Variants in APBB2 observed in about 807,000 individuals in gnomAD.
APBB2 encodes amyloid beta precursor protein binding family B member 2, also known as Fe65-like 1.
In APBB2, 38 loss-of-function variants were observed where a neutral mutation model predicts 82.5. The ratio of observed to expected loss-of-function variants is 0.46; its 90% CI spans 0.36 to 0.60. APBB2 has a LOEUF of 0.60. Ranked by LOEUF, APBB2 falls within the 20% of genes least tolerant of loss-of-function variation. APBB2 has a pLI of 0.00. For synonymous variants in APBB2, 341 were observed against 368.2 expected (o/e 0.93, Z 0.85); for missense variants, 772 against 972.3 (o/e 0.79, Z 2.74).
chr4:41,080,714 T>TG (rs1257699631), intron 3 of APBB2, among the ~76,000 whole-genome samples: 1 of 151,154 alleles, frequency 6.6e-6, no homozygotes, highest in African/African-American at 2.4e-5. Flanking sequence ...TTTTTTTTTT[T>TG]TTTTAAAGAT....
In APBB2 at chr4:41,111,847, G is replaced by A. The variant is rs544572357; in HGVS notation, c.-260-11097C>T. The stretch of plus-strand genomic sequence containing the variant: ...CAGCAATTACCCTTAACAAGCAGTC[G>A]CCATTACAAGTATTGTTTTTCTCAG... On this transcript the variant is annotated intron_variant, in intron 2 of 17. Transcript: ENST00000508593. 1.1e-4 allele frequency among the ~76,000 whole-genome samples: 17 copies of A among 152,108 alleles called. No individual in the cohort carries two copies. The East Asian group carries it at 1.2e-3, about 10-fold the overall frequency.
intron 1 of APBB2, among the ~76,000 whole-genome samples, chr4:41,164,559 A>T (rs544674323): frequency 6.6e-6 from 1 of 152,380 alleles, no homozygotes; most frequent in East Asian, 1.9e-4. Flanking sequence ...CAGACAGCAC[A>T]AACCCAATTA....
chr4:40,991,879 TTC>T (rs1399254710), intron 6 of APBB2, among the ~76,000 whole-genome samples: 8 of 152,244 alleles, frequency 5.3e-5, no homozygotes, highest in Admixed American at 5.2e-4. Flanking sequence ...CTTAAGAATC[TTC>T]TATGAGAGTG....
At chr4:41,180,164 T>C (rs1770925203) in intron 1 of APBB2, among the ~76,000 whole-genome samples, 1 of 152,258 alleles carries the variant, frequency 6.6e-6, no homozygotes. Context: ...AGAGCTTCCA[T>C]CAGTGTAAGG....
Position 40,893,514 on chromosome 4 carries a change from C to T in APBB2, c.1255-103G>A, listed in dbSNP as rs554880019. ...CAACTAAAAGGTACTACACTTAATG[C>T]ACCTTTATTTGCTTCATTATGTTCA... is the stretch of plus-strand genomic sequence containing the variant. On this transcript the variant is annotated intron_variant, in intron 10 of 17. Transcript: ENST00000508593. 36 of 1,081,856 alleles carry T rather than the reference C, an allele frequency of 3.3e-5. No homozygotes were observed. The East Asian group carries it at 9.6e-4, about 29-fold the overall frequency. The allele number at this position is 1,081,856 out of a possible 1,614,324, so 67.0% of individuals were successfully genotyped here. A position where few individuals can be genotyped will look rare whatever the true frequency, so the allele number is the denominator to read the frequency against.
At chr4:41,175,393 CTTTA>C (rs1323632446) in intron 1 of APBB2, among the ~76,000 whole-genome samples, 1 of 152,086 alleles carries the variant, frequency 6.6e-6, no homozygotes, top group African/African-American at 2.4e-5. Context: ...TAAAATGTAA[CTTTA>C]TTTCTGTCGT....
intron 10 of APBB2, among the ~76,000 whole-genome samples, chr4:40,912,322 T>C (rs1778778452): frequency 2.0e-5 from 3 of 152,188 alleles, no homozygotes. Flanking sequence ...CTCACGCCTG[T>C]AATCCCAGCA....
intron 6 of APBB2, among the ~76,000 whole-genome samples, chr4:40,998,103 T>A (rs1181618325): frequency 6.6e-6 from 1 of 152,210 alleles, no homozygotes; most frequent in East Asian, 1.9e-4. Flanking sequence ...CTGACACTAT[T>A]TGTTGGCAAT....
At chr4:40,987,509 T>C (rs1287939825) in intron 6 of APBB2, among the ~76,000 whole-genome samples, 1 of 152,208 alleles carries the variant, frequency 6.6e-6, no homozygotes, top group East Asian at 1.9e-4. Flanking sequence ...ATTTCATATT[T>C]CATTTTTTTT....
At chr4:41,078,794 G>A (rs537258861) in intron 3 of APBB2, among the ~76,000 whole-genome samples, 12 of 152,198 alleles carry the variant, frequency 7.9e-5, no homozygotes, top group African/African-American at 1.9e-4. Flanking sequence ...TCCTTATGTC[G>A]GGAGAAGGAC....
At chr4:40,886,487 A>G (rs1299732819) in intron 12 of APBB2, among the ~76,000 whole-genome samples, 3 of 151,798 alleles carry the variant, frequency 2.0e-5, no homozygotes, top group Non-Finnish European at 4.4e-5. Flanking sequence ...TCTCAAAAAG[A>G]GAAAAAAAAA....
intron 4 of APBB2, among the ~76,000 whole-genome samples, chr4:41,050,918 C>A (rs1725692085): frequency 6.6e-6 from 1 of 151,634 alleles, no homozygotes; most frequent in Admixed American, 6.6e-5. Flanking sequence ...CATACCTGGC[C>A]AGGGTCACAT....
At chr4:41,109,394 A>T (rs901051144) in intron 2 of APBB2, among the ~76,000 whole-genome samples, 55 of 151,216 alleles carry the variant, frequency 3.6e-4, no homozygotes, top group African/African-American at 1.3e-3. Flanking sequence ...GGGTTCAAGC[A>T]ATTCTCCTGC....
At chr4:41,103,364 T>C (rs912834510) in intron 2 of APBB2, among the ~76,000 whole-genome samples, 2 of 152,198 alleles carry the variant, frequency 1.3e-5, no homozygotes, top group Non-Finnish European at 2.9e-5. Flanking sequence ...GGAATTACTT[T>C]TCATTCTTAA....
intron 6 of APBB2, among the ~76,000 whole-genome samples, chr4:40,988,517 A>C (rs752499637): frequency 1.6e-4 from 24 of 151,600 alleles, no homozygotes; most frequent in Non-Finnish European, 3.1e-4. Context: ...GGGTGCCTGT[A>C]ATCCCAGCTA....
At chr4:41,044,022 T>C (rs748244635) in intron 4 of APBB2, among the ~76,000 whole-genome samples, 2 of 152,188 alleles carry the variant, frequency 1.3e-5, no homozygotes, top group Admixed American at 6.5e-5. Context: ...AGGAAGCACA[T>C]GGTATCTGGT....
At chr4:40,926,855 C>T (rs184668694) in intron 10 of APBB2, among the ~76,000 whole-genome samples, 399 of 152,344 alleles carry the variant, frequency 2.6e-3, no homozygotes, top group Non-Finnish European at 4.0e-3. Flanking sequence ...TTCTAAGCAT[C>T]GGTTTCTTAT....
chr4:41,089,734 T>G (rs1001468348), intron 3 of APBB2, among the ~76,000 whole-genome samples: 5 of 152,222 alleles, frequency 3.3e-5, no homozygotes, highest in Non-Finnish European at 7.3e-5. Flanking sequence ...GATTACATAA[T>G]ATCAGTCCCT....
At chr4:41,201,119 TA>T (rs1776589037) in intron 1 of APBB2, among the ~76,000 whole-genome samples, 1 of 152,206 alleles carries the variant, frequency 6.6e-6, no homozygotes, top group Non-Finnish European at 1.5e-5. Flanking sequence ...GAGGGCTCAT[TA>T]AACACTGACC....
Sources: allele counts gnomAD v4.1 joint callset (sites outside exome capture counted in the v4.1 genomes callset), GRCh38; gene constraint gnomAD v4.1.1; transcripts MANE v1.5; gene names NCBI Gene and HGNC (gene_info 2026-07-23, HGNC 2026-07-21).